EMC9: variants seen among roughly 807,000 people sequenced by gnomAD.
EMC9 encodes the protein UPF0172 protein FAM158A.
In EMC9, 20 loss-of-function variants were observed where a neutral mutation model predicts 25.0. That is an observed-to-expected ratio of 0.80 (90% CI 0.56 to 1.16). The LOEUF (loss-of-function observed/expected upper bound fraction) is 1.16, where lower values mean the gene tolerates loss of function less well. EMC9 is among the 50% of genes most tolerant of loss of function. The pLI is 0.00. For synonymous variants in EMC9, 100 were observed against 107.0 expected (o/e 0.93, Z 0.40); for missense variants, 256 against 268.7 (o/e 0.95, Z 0.33).
chr14:24,141,422 C>T lies in EMC9; in HGVS notation c.-13+16G>A. On this transcript the variant is annotated intron_variant, in intron 1 of 5. Coordinates refer to ENST00000216799, the MANE Select transcript of EMC9 (RefSeq NM_016049.4). ...CGCTTCGGCACGCTCTTTGACCCTT[C>T]CCCGTGCCCTCTCACTTCGGTTCGG... is the stretch of plus-strand genomic sequence containing the variant. 1 of 1,073,602 alleles carries T rather than the reference C, an allele frequency of 9.3e-7. No individual in the cohort carries two copies. Among genetic ancestry groups the T allele is most frequent in the Non-Finnish European group, 1.4e-6 (1 of 732,424 alleles). The allele number at this position is 1,073,602 out of a possible 1,614,324, so 66.5% of individuals were successfully genotyped here.
chr14:24,139,233 T>C lies in EMC9; in HGVS notation c.441-37A>G. 2 of 1,610,998 alleles carry C rather than the reference T, an allele frequency of 1.2e-6. No individual in the cohort carries two copies. The highest frequency in any genetic ancestry group is 1.7e-6 in the Non-Finnish European group (2 of 1,177,828). On this transcript the variant is annotated intron_variant, in intron 5 of 5. Transcript: ENST00000216799. The surrounding 1 kb of genome is among the most constrained non-coding windows in gnomAD (Gnocchi z 4.6). ...ACCCCCATGGAGGTCAAACAGCAAG[T>C]AGTGGGTCCAGACACAGACTTAACA...
rs775099225 is a variant in EMC9, at chr14:24,139,508, T to TG, written c.345+36dup. On this transcript the variant is annotated intron_variant, in intron 4 of 5. Transcript: ENST00000216799. The surrounding 1 kb of genome is among the most constrained non-coding windows in gnomAD (Gnocchi z 4.6). Reference sequence around the variant, plus strand: ...GTTTCAAGGGTCCCCCCACCCTACTTGCTTTTCACCTCCCCACCCAGAAAC... The same window carrying TG: ...GTTTCAAGGGTCCCCCCACCCTACTTGGCTTTTCACCTCCCCACCCAGAAAC... 6.2e-7 allele frequency: 1 copy of TG among 1,613,026 alleles called. No homozygotes were observed. The highest frequency in any genetic ancestry group is 1.1e-5 in the South Asian group (1 of 90,982).
chr14:24,140,956 A>G lies in EMC9; in HGVS notation c.208T>C (p.Trp70Arg), dbSNP rs200462788. The part of the protein sequence containing the change: ...LEVALNQVDV[W>R]GAQAGLVVAG... ...ACCACCAGACCGGCCTGTGCTCCCC[A>G]CACATCCACCTGTCGTAGGAAAGGG... Residue 70 changes from tryptophan (W) to arginine (R), a missense_variant, in exon 3 of 6, where the codon TGG becomes CGG. Physicochemically the swap from Trp to Arg is moderately radical, Grantham distance 101. Transcript: ENST00000216799. 171 of 1,613,996 alleles carry G rather than the reference A, an allele frequency of 1.1e-4. No individual in the cohort carries two copies. The highest frequency in any genetic ancestry group is 1.7e-4 in the Admixed American group (10 of 60,000).
At position 24,139,057 on chromosome 14, in the gene EMC9, G is replaced by C; in HGVS notation, c.580C>G (p.Gln194Glu). 1 of 1,613,898 alleles carries C rather than the reference G, an allele frequency of 6.2e-7. No individual in the cohort carries two copies. Among genetic ancestry groups the C allele is most frequent in the Non-Finnish European group, 8.5e-7 (1 of 1,180,036 alleles). Residue 194 changes from glutamine to glutamate, a missense_variant, in exon 6 of 6, where the codon CAA becomes GAA. Transcript: ENST00000216799. The surrounding 1 kb of genome is among the most constrained non-coding windows in gnomAD (Gnocchi z 4.6). ...QDWTNQRLNT[Q>E]ITQWVGPTNG... ...GTGGGACCAACCCACTGGGTGATTT[G>C]AGTGTTGAGCCGCTGGTTGGTCCAG...
chr14:24,139,446 A>G lies in EMC9; in HGVS notation c.354T>C (p.Asn118=). ...CACGAGGCTGAGGCACCAGTTTCTG[A>G]TTATCCAACTGAGTGGACAAAGATG... ...FPDAVLIMLD[N]QKLVPQPRVP... The change falls in exon 5 of 6, where the codon AAT becomes AAC. Residue 118 remains asparagine, a synonymous_variant. Coordinates refer to ENST00000216799, the MANE Select transcript of EMC9 (RefSeq NM_016049.4). This position sits in a 1 kb window ranked among gnomAD's most constrained non-coding sequence, Gnocchi z 4.6. The G allele has an allele frequency of 6.2e-7, 1 of 1,614,168 alleles. No individual in the cohort carries two copies. The highest frequency in any genetic ancestry group is 8.5e-7 in the Non-Finnish European group (1 of 1,180,018).
chr14:24,140,716 C>G (rs1283888646), intron 3 of EMC9, among the ~76,000 whole-genome samples, 173 bp downstream of exon 3: 7 of 152,198 alleles, frequency 4.6e-5, no homozygotes, highest in African/African-American at 1.7e-4. Flanking sequence ...AGCATAGTGC[C>G]TGGTGTAAAG....
In EMC9 at chr14:24,139,423, C is replaced by G. The variant is rs756205254; in HGVS notation, c.377G>C (p.Arg126Pro). The G allele has an allele frequency of 1.5e-5, 24 of 1,614,004 alleles. No individual in the cohort carries two copies. The highest frequency in any genetic ancestry group is 1.8e-5 in the Non-Finnish European group (21 of 1,180,046). ...CTCCAGGACGATGACCGGGGGCACA[C>G]GAGGCTGAGGCACCAGTTTCTGATT... ...LDNQKLVPQP[R>P]VPPVIVLENQ... The change falls in exon 5 of 6, where the codon CGT becomes CCT. Residue 126 changes from arginine (R) to proline (P), a missense_variant. Arg to Pro is a moderately radical substitution (Grantham distance 103, BLOSUM62 -2). Coordinates refer to ENST00000216799, the MANE Select transcript of EMC9 (RefSeq NM_016049.4). This position sits in a 1 kb window ranked among gnomAD's most constrained non-coding sequence, Gnocchi z 4.6.
rs778512392 is a variant in EMC9, at chr14:24,139,244, GAC to G, written c.441-50_441-49del. On this transcript the variant is annotated intron_variant, in intron 5 of 5. Coordinates refer to ENST00000216799, the MANE Select transcript of EMC9 (RefSeq NM_016049.4). This position sits in a 1 kb window ranked among gnomAD's most constrained non-coding sequence, Gnocchi z 4.6. ...GGTCAAACAGCAAGTAGTGGGTCCA[GAC>G]ACAGACTTAACAGAGATTGGGTCTA... 5.6e-6 allele frequency: 9 copies of G among 1,608,478 alleles called. No homozygotes were observed. The Admixed American group carries it at 8.4e-5, about 15-fold the overall frequency.
In EMC9 at chr14:24,139,492, G is replaced by A. The variant is rs1330512972; in HGVS notation, c.346-38C>T. 2 of 1,613,216 alleles carry A rather than the reference G, an allele frequency of 1.2e-6. No individual in the cohort carries two copies. Among genetic ancestry groups the A allele is most frequent in the Admixed American group, 1.7e-5 (1 of 59,944 alleles). The stretch of plus-strand genomic sequence containing the variant: ...AGATGGGCAAGTGAGAGTTTCAAGG[G>A]TCCCCCCACCCTACTTGCTTTTCAC... On this transcript the variant is annotated intron_variant, in intron 4 of 5. Transcript: ENST00000216799. This position sits in a 1 kb window ranked among gnomAD's most constrained non-coding sequence, Gnocchi z 4.6.
At position 24,141,562 on chromosome 14, in the gene EMC9, C is replaced by T; in HGVS notation, c.-137G>A. The T allele has an allele frequency of 1.7e-6, 1 of 588,070 alleles. No homozygotes were observed. The highest frequency in any genetic ancestry group is 3.0e-6 in the Non-Finnish European group (1 of 328,998). 36.4% of individuals were successfully genotyped at this position (588,070 alleles called of 1,614,324 possible). The stretch of plus-strand genomic sequence containing the variant: ...CCCGATTGCATCCGAGCCCCGCCTT[C>T]CCGCGCCCCTAGCTGGCGGCCGCGA... On this transcript the variant is annotated 5_prime_UTR_variant, in exon 1 of 6. Transcript: ENST00000216799.
intron 3 of EMC9, 151 bp downstream of exon 3, chr14:24,140,738 A>C (rs576145079): frequency 4.2e-5 from 32 of 769,756 alleles, no homozygotes; most frequent in Non-Finnish European, 6.6e-5. Context: ...CCCTGCTCCT[A>C]AGCGTTTGAT....
intron 3 of EMC9, chr14:24,140,559 A>G (rs2038029173): frequency 4.4e-6 from 1 of 226,376 alleles, no homozygotes; most frequent in East Asian, 9.2e-5. Flanking sequence ...GCGCCACTGC[A>G]CTCCAGCCTG....
rs1311585728 is a variant in EMC9, at chr14:24,141,446, G to T, written c.-21C>A. On this transcript the variant is annotated 5_prime_UTR_variant, in exon 1 of 6. Transcript: ENST00000216799. ...TCCCCGTGCCCTCTCACTTCGGTTC[G>T]GCGACAACGCTAACTCGACTCGCAG... The T allele has an allele frequency of 1.1e-6, 1 of 904,882 alleles. No homozygotes were observed. 56.1% of individuals were successfully genotyped at this position (904,882 alleles called of 1,614,324 possible).
At position 24,139,501 on chromosome 14, in the gene EMC9, C is replaced by T. The variant is rs961640649; in HGVS notation, c.345+44G>A. 6.2e-7 allele frequency: 1 copy of T among 1,612,946 alleles called. No individual in the cohort carries two copies. The highest frequency in any genetic ancestry group is 1.7e-5 in the Admixed American group (1 of 59,900). ...AGTGAGAGTTTCAAGGGTCCCCCCA[C>T]CCTACTTGCTTTTCACCTCCCCACC... is the stretch of plus-strand genomic sequence containing the variant. On this transcript the variant is annotated intron_variant, in intron 4 of 5. Coordinates refer to ENST00000216799, the MANE Select transcript of EMC9 (RefSeq NM_016049.4). The surrounding 1 kb of genome is among the most constrained non-coding windows in gnomAD (Gnocchi z 4.6).
chr14:24,140,111 A>T (rs2038015993), intron 3 of EMC9: 2 of 249,770 alleles, frequency 8.0e-6, no homozygotes, highest in Non-Finnish European at 1.6e-5. Flanking sequence ...CGCAAATTAC[A>T]AAACAGTACC....
chr14:24,140,696 T>G (rs1358629632), intron 3 of EMC9, among the ~76,000 whole-genome samples, 193 bp downstream of exon 3: 1 of 151,924 alleles, frequency 6.6e-6, no homozygotes, highest in African/African-American at 2.4e-5. Context: ...ATTCCCTCAC[T>G]CCAGTACCCA....
rs1566603732 is a variant in EMC9, at chr14:24,139,109, G to A, written c.528C>T (p.Asp176=). The change falls in exon 6 of 6, where the codon GAC becomes GAT. Residue 176 remains aspartate (D), a synonymous_variant. Transcript: ENST00000216799. The surrounding 1 kb of genome is among the most constrained non-coding windows in gnomAD (Gnocchi z 4.6). Reference sequence around the variant, plus strand: ...CCTGCCGGATGTCATCAAGGTGGCAGTCAAAGTCCACAAGGTGCTGGTGGG... The same window carrying A: ...CCTGCCGGATGTCATCAAGGTGGCAATCAAAGTCCACAAGGTGCTGGTGGG... The part of the protein sequence containing the change: ...DRAHQHLVDF[D]CHLDDIRQDW... 1 of 1,613,452 alleles carries A rather than the reference G, an allele frequency of 6.2e-7. No individual in the cohort carries two copies. The highest frequency in any genetic ancestry group is 1.3e-5 in the African/African-American group (1 of 75,042).
intron 3 of EMC9, chr14:24,140,044 G>A (rs901048036): frequency 1.6e-5 from 5 of 320,946 alleles, no homozygotes; most frequent in African/African-American, 6.5e-5. Context: ...TAGCTGTTAC[G>A]GTAGATCTTG....
rs2038027764 is a variant in EMC9, at chr14:24,140,502, G to A, written c.275+387C>T. The A allele has an allele frequency of 2.4e-5, 4 of 164,324 alleles. No individual in the cohort carries two copies. In the South Asian group the frequency reaches 7.4e-4, roughly 30 times the overall value. 10.2% of individuals were successfully genotyped at this position (164,324 alleles called of 1,614,324 possible). On this transcript the variant is annotated intron_variant, in intron 3 of 5. Transcript: ENST00000216799. ...CCAGCTACTCGGGAGGCTGAGGCAG[G>A]AGAATCGCTTGAATCTAGGAGGTGG...
Sources: allele counts gnomAD v4.1 joint callset (sites outside exome capture counted in the v4.1 genomes callset), GRCh38; gene constraint gnomAD v4.1.1; non-coding constraint Gnocchi (gnomAD v3.1); transcripts MANE v1.5; gene names NCBI Gene and HGNC (gene_info 2026-07-23, HGNC 2026-07-21).